CCDC192: variants seen among roughly 807,000 people sequenced by gnomAD.
CCDC192 encodes coiled-coil domain-containing protein 192.
chr5:127,866,023 A>G (rs970534279), intron 5 of CCDC192, among the ~76,000 whole-genome samples: 2 of 152,088 alleles, frequency 1.3e-5, no homozygotes, highest in Non-Finnish European at 2.9e-5. Context: ...AAAATCAAGA[A>G]CAGAGAGCTT....
chr5:127,934,395 G>A (rs895179173), intron 6 of CCDC192, among the ~76,000 whole-genome samples: 11 of 151,996 alleles, frequency 7.2e-5, no homozygotes, highest in African/African-American at 2.7e-4. Context: ...TCTTTTTAGT[G>A]ACCAAACCTC....
chr5:127,889,429 G>A (rs1255303053), intron 6 of CCDC192, among the ~76,000 whole-genome samples: 4 of 136,168 alleles, frequency 2.9e-5, no homozygotes, highest in Non-Finnish European at 6.1e-5. Flanking sequence ...TTGAGACAGA[G>A]TCTTGCACTG....
intron 6 of CCDC192, among the ~76,000 whole-genome samples, chr5:127,894,255 T>C (rs557399608): frequency 0.015 from 2,164 of 148,356 alleles, 49 homozygotes; most frequent in African/African-American, 0.05. Flanking sequence ...TGCAGTGGTG[T>C]GATCTTGGCT....
chr5:127,863,707 T>C (rs1751471841), intron 5 of CCDC192, among the ~76,000 whole-genome samples: 2 of 152,208 alleles, frequency 1.3e-5, no homozygotes, highest in Non-Finnish European at 1.5e-5. Flanking sequence ...TTTTATGTTA[T>C]GCACTTTAAA....
chr5:127,707,803 A>G, intron 2 of CCDC192, 43 bp downstream of exon 2: 1 of 397,900 alleles, frequency 2.5e-6, no homozygotes. Context: ...TAAAAAAATC[A>G]TTACAGGTAA....
At chr5:127,938,806 G>C (rs1754262363) in intron 6 of CCDC192, among the ~76,000 whole-genome samples, 2 of 152,166 alleles carry the variant, frequency 1.3e-5, no homozygotes, top group Admixed American at 6.5e-5. Context: ...TGTGACTAGT[G>C]ACTACTGTAT....
chr5:127,725,951 G>A (rs1752295918), intron 2 of CCDC192, among the ~76,000 whole-genome samples: 1 of 151,618 alleles, frequency 6.6e-6, no homozygotes, highest in Admixed American at 6.6e-5. Context: ...CTTTCTAGTA[G>A]GTTCCATTAT....
intron 4 of CCDC192, 126 bp from the exon 5 acceptor site, chr5:127,797,980 A>C (rs1757274587): frequency 2.6e-6 from 1 of 390,400 alleles, no homozygotes; most frequent in Non-Finnish European, 4.5e-6. Context: ...ATGGTTTTCA[A>C]AACGTAGCTG....
intron 5 of CCDC192, among the ~76,000 whole-genome samples, chr5:127,806,634 A>ATT (rs3081302): frequency 0.78 from 118,010 of 151,736 alleles, 46,017 homozygotes; most frequent in East Asian, 0.9. Flanking sequence ...AATACAGATC[A>ATT]GTTACAATCC....
chr5:127,818,414 A>T (rs987593134), intron 5 of CCDC192, among the ~76,000 whole-genome samples: 5 of 152,184 alleles, frequency 3.3e-5, no homozygotes, highest in Admixed American at 6.5e-5. Context: ...CTACTCCTAG[A>T]CATCCAAAAT....
chr5:127,871,359 A>G (rs571979941), intron 5 of CCDC192, among the ~76,000 whole-genome samples: 5 of 152,366 alleles, frequency 3.3e-5, no homozygotes, highest in South Asian at 2.1e-4. Flanking sequence ...GTAAAGTATG[A>G]TAACTCCCAT....
At chr5:127,861,300 G>A (rs981455103) in intron 5 of CCDC192, among the ~76,000 whole-genome samples, 1 of 151,218 alleles carries the variant, frequency 6.6e-6, no homozygotes, top group African/African-American at 2.4e-5. Context: ...GAGCCACCGT[G>A]CCTGGCCCAT....
At chr5:127,751,883 A>G (rs1478978642) in intron 2 of CCDC192, among the ~76,000 whole-genome samples, 1 of 151,810 alleles carries the variant, frequency 6.6e-6, no homozygotes, top group African/African-American at 2.4e-5. Context: ...CATTGCTGAT[A>G]CCCTTTCTTC....
chr5:127,880,244 C>G (rs1010565016), intron 6 of CCDC192, among the ~76,000 whole-genome samples: 18 of 151,844 alleles, frequency 1.2e-4, no homozygotes, highest in African/African-American at 3.4e-4. Flanking sequence ...AAATGTGGCA[C>G]ATATACACCA....
intron 5 of CCDC192, among the ~76,000 whole-genome samples, chr5:127,811,130 G>A (rs1271445470): frequency 2.6e-5 from 4 of 152,218 alleles, no homozygotes; most frequent in African/African-American, 7.2e-5. Flanking sequence ...AGTGGAGTAC[G>A]CTCTCTGCTG....
At chr5:127,795,440 G>A (rs755675379) in intron 3 of CCDC192, among the ~76,000 whole-genome samples, 2 of 152,062 alleles carry the variant, frequency 1.3e-5, no homozygotes, top group Non-Finnish European at 2.9e-5. Flanking sequence ...TGTCTCTGTT[G>A]TTTAAACTCA....
intron 6 of CCDC192, among the ~76,000 whole-genome samples, chr5:127,916,730 T>G (rs1753530339): frequency 6.6e-6 from 1 of 152,238 alleles, no homozygotes; most frequent in African/African-American, 2.4e-5. Context: ...TTTGAAATAT[T>G]CAGAAAGCCA....
At chr5:127,775,076 CT>C (rs539431433) in intron 3 of CCDC192, among the ~76,000 whole-genome samples, 3 of 152,032 alleles carry the variant, frequency 2.0e-5, no homozygotes, top group Non-Finnish European at 2.9e-5. Context: ...TAAATCATGC[CT>C]TTTTTTCCCT....
chr5:127,822,462 TA>T (rs954073633), intron 5 of CCDC192, among the ~76,000 whole-genome samples: 5 of 151,858 alleles, frequency 3.3e-5, no homozygotes, highest in South Asian at 2.1e-4. Flanking sequence ...CTAGTGGGGT[TA>T]AAAAAAAGAC....
Sources: allele counts gnomAD v4.1 joint callset (sites outside exome capture counted in the v4.1 genomes callset), GRCh38; gene constraint gnomAD v4.1.1; transcripts MANE v1.5; gene names NCBI Gene and HGNC (gene_info 2026-07-23, HGNC 2026-07-21).